Variants in TMEM63C observed in about 807,000 individuals in gnomAD.
TMEM63C encodes the protein transmembrane protein 63C, also known as osmosensitive cation channel TMEM63C.
In TMEM63C, 32 loss-of-function variants were observed where a neutral mutation model predicts 99.2. The ratio of observed to expected loss-of-function variants is 0.32; its 90% CI spans 0.24 to 0.43. The LOEUF is 0.43. Among genes scored for constraint, TMEM63C ranks in the 20% least tolerant of loss-of-function variants. The pLI, the probability that TMEM63C is intolerant of heterozygous loss-of-function variation, is 1.00. For synonymous variants in TMEM63C, 376 were observed against 397.9 expected (o/e 0.94, Z 0.66); for missense variants, 826 against 1,053.0 (o/e 0.78, Z 2.98).
chr14:77,215,250 C>G (rs1048863912), intron 2 of TMEM63C, among the ~76,000 whole-genome samples: 2 of 152,062 alleles, frequency 1.3e-5, no homozygotes, highest in African/African-American at 4.8e-5. Context: ...CATCCAACAT[C>G]CGCCCACCAC....
intron 18 of TMEM63C, 103 bp from the exon 19 acceptor site, chr14:77,248,244 C>G: frequency 9.8e-7 from 1 of 1,015,338 alleles, no homozygotes; most frequent in South Asian, 1.6e-5. Flanking sequence ...ATCTCCACTC[C>G]GATTCCCATT....
At chr14:77,249,831 T>A (rs1889327824) in intron 21 of TMEM63C, among the ~76,000 whole-genome samples, 1 of 152,216 alleles carries the variant, frequency 6.6e-6, no homozygotes, top group Non-Finnish European at 1.5e-5. Context: ...GTTTTTTGTT[T>A]TGTTTTTTAA....
rs374790147 is a variant in TMEM63C, at chr14:77,220,054, G to A, written c.279G>A (p.Ser93=). The A allele has an allele frequency of 1.4e-5, 22 of 1,560,986 alleles. No homozygotes were observed. Among genetic ancestry groups the A allele is most frequent in the South Asian group, 9.5e-5 (8 of 84,484 alleles). ...YGEQSEKTSP[S]ETSLEMERRD... ...AGCAGAGCGAGAAGACATCTCCCTCGGAGACTTCCTTGGAGATGGAACGCA... is the reference window on the plus strand; with the variant it reads ...AGCAGAGCGAGAAGACATCTCCCTCAGAGACTTCCTTGGAGATGGAACGCA... Residue 93 remains serine, a synonymous_variant, in exon 5 of 24, where the codon TCG becomes TCA. Coordinates refer to ENST00000298351, the MANE Select transcript of TMEM63C (RefSeq NM_020431.4).
intron 1 of TMEM63C, among the ~76,000 whole-genome samples, chr14:77,189,577 T>C (rs1888067039): frequency 6.6e-6 from 1 of 152,272 alleles, no homozygotes; most frequent in South Asian, 2.1e-4. Flanking sequence ...AACTTGTCAG[T>C]AACACTTCAT....
At chr14:77,197,240 G>C (rs559965619) in intron 1 of TMEM63C, among the ~76,000 whole-genome samples, 3 of 152,306 alleles carry the variant, frequency 2.0e-5, no homozygotes, top group East Asian at 1.9e-4. Flanking sequence ...GATTGTTGCT[G>C]TTACTGATAA....
chr14:77,232,165 T>C (rs1222508059), intron 7 of TMEM63C, among the ~76,000 whole-genome samples: 1 of 152,232 alleles, frequency 6.6e-6, no homozygotes, highest in Non-Finnish European at 1.5e-5. Context: ...GGAACAGCAT[T>C]GTGGATGAGA....
At chr14:77,223,788 A>C (rs1888768861) in intron 5 of TMEM63C, among the ~76,000 whole-genome samples, 1 of 151,980 alleles carries the variant, frequency 6.6e-6, no homozygotes, top group Non-Finnish European at 1.5e-5. Flanking sequence ...ACACCTGTGC[A>C]CCTGTAGTGG....
chr14:77,203,891 C>T lies in TMEM63C; in HGVS notation c.-76-9555C>T, dbSNP rs1888347408. Among the ~76,000 whole-genome samples, 2 of 152,254 alleles carry T rather than the reference C, an allele frequency of 1.3e-5. 1 individual carries two copies. The highest frequency in any genetic ancestry group is 1.3e-4 in the Admixed American group (2 of 15,290). On this transcript the variant is annotated intron_variant, in intron 1 of 23. Coordinates refer to ENST00000298351, the MANE Select transcript of TMEM63C (RefSeq NM_020431.4). The stretch of plus-strand genomic sequence containing the variant: ...CACCTCCCCATTGGCAGCCTCCAAC[C>T]CGGCTCTAGCTGGAGCTGACTCTGG...
intron 10 of TMEM63C, 32 bp from the exon 11 acceptor site, chr14:77,239,380 G>A (rs770009181): frequency 6.2e-7 from 1 of 1,611,648 alleles, no homozygotes; most frequent in Non-Finnish European, 8.5e-7. Flanking sequence ...CAACCCCACA[G>A]GCCGACTCAG....
intron 6 of TMEM63C, among the ~76,000 whole-genome samples, chr14:77,231,192 G>A (rs1423691812): frequency 6.6e-6 from 1 of 151,546 alleles, no homozygotes; most frequent in Non-Finnish European, 1.5e-5. Context: ...TGGGTTTCAG[G>A]TGTTCCTTTT....
In TMEM63C at chr14:77,225,314, C is replaced by T. The variant is rs1888796810; in HGVS notation, c.313-110C>T. 4 of 901,248 alleles carry T rather than the reference C, an allele frequency of 4.4e-6. No homozygotes were observed. In the East Asian group the frequency reaches 8.5e-5, roughly 19 times the overall value. 55.8% of individuals were successfully genotyped at this position (901,248 alleles called of 1,614,324 possible). A position where few individuals can be genotyped will look rare whatever the true frequency, so the allele number is the denominator to read the frequency against. On this transcript the variant is annotated intron_variant, in intron 5 of 23. Transcript: ENST00000298351. ...AGACTCTTTTTCCCAGGAAGGAGGCCCCGGACGCTGCCGCGGCTGCCTCAG... is the reference window on the plus strand; with the variant it reads ...AGACTCTTTTTCCCAGGAAGGAGGCTCCGGACGCTGCCGCGGCTGCCTCAG...
At position 77,234,559 on chromosome 14, in the gene TMEM63C, C is replaced by T. The variant is rs1223214284; in HGVS notation, c.542+1059C>T. 3.3e-5 allele frequency among the ~76,000 whole-genome samples: 5 copies of T among 152,214 alleles called. No individual in the cohort carries two copies. In the East Asian group the frequency reaches 9.6e-4, roughly 29 times the overall value. ...TCTGTAGAGACCATGTAGCCTTGCC[C>T]TTCTGTGGAAACTGAGGGTGGAGCA... is the stretch of plus-strand genomic sequence containing the variant. On this transcript the variant is annotated intron_variant, in intron 8 of 23. Coordinates refer to ENST00000298351, the MANE Select transcript of TMEM63C (RefSeq NM_020431.4).
chr14:77,230,632 C>T (rs1449557011), intron 6 of TMEM63C, among the ~76,000 whole-genome samples: 2 of 152,120 alleles, frequency 1.3e-5, no homozygotes, highest in Non-Finnish European at 2.9e-5. Context: ...GTGAACTGCA[C>T]ATATGAGGGA....
intron 1 of TMEM63C, among the ~76,000 whole-genome samples, chr14:77,191,500 A>AT (rs11301125): frequency 1.5e-5 from 2 of 133,932 alleles, no homozygotes; most frequent in South Asian, 2.3e-4. Flanking sequence ...CAAGTTCTCC[A>AT]TTTTTTTTTT....
rs1284199359 is a variant in TMEM63C at position 77,251,792 on chromosome 14, C to T, written c.2042C>T (p.Ser681Phe). The change falls in exon 22 of 24, where the codon TCT becomes TTT. Residue 681 changes from serine to phenylalanine, a missense_variant. Transcript: ENST00000298351. ...GACTTTTTCTCCTCCTCGGCAGGTT[C>T]TCTCCACGCCATCACCATCTTTTCC... ...MLFFSILRLG[S>F]LHAITIFSLS... The T allele has an allele frequency of 1.9e-6, 3 of 1,613,692 alleles. 1 individual carries two copies. The highest frequency in any genetic ancestry group is 2.2e-5 in the South Asian group (2 of 91,082).
At chr14:77,248,713 A>G (rs1189258089) in intron 19 of TMEM63C, 54 bp from the exon 20 acceptor site, 9 of 1,558,040 alleles carry the variant, frequency 5.8e-6, no homozygotes, top group Middle Eastern at 1.7e-4. Flanking sequence ...CCACAGAAGT[A>G]GTCAAGCCAA....
chr14:77,208,819 C>T (rs1299157300), intron 1 of TMEM63C, among the ~76,000 whole-genome samples: 1 of 152,226 alleles, frequency 6.6e-6, no homozygotes, highest in African/African-American at 2.4e-5. Context: ...ATTGCCTGGC[C>T]CTGCCCACGA....
chr14:77,240,288 G>A (rs1242970602), intron 12 of TMEM63C, among the ~76,000 whole-genome samples, 187 bp from the exon 13 acceptor site: 3 of 152,218 alleles, frequency 2.0e-5, no homozygotes, highest in Non-Finnish European at 4.4e-5. Flanking sequence ...AAGGGCAGGG[G>A]TGAATGGCAG....
Position 77,231,675 on chromosome 14 carries a change from C to T in TMEM63C, c.438C>T (p.Ile146=), listed in dbSNP as rs1433003140. 2 of 1,551,586 alleles carry T rather than the reference C, an allele frequency of 1.3e-6. No homozygotes were observed. The highest frequency in any genetic ancestry group is 2.7e-5 in the African/African-American group (2 of 73,026). Residue 146 remains isoleucine (I), a synonymous_variant, in exon 7 of 24, where the codon ATC becomes ATT. Coordinates refer to ENST00000298351, the MANE Select transcript of TMEM63C (RefSeq NM_020431.4). The stretch of plus-strand genomic sequence containing the variant: ...ACCTCATCATCTTTGTGCTCATCAT[C>T]TGTATCCCCTCCCTGGGCATCATTT... The part of the protein sequence containing the change: ...QYHLIIFVLI[I]CIPSLGIILP...
Sources: gnomAD v4.1 joint callset for allele counts (sites outside exome capture counted in the v4.1 genomes callset) on GRCh38, gnomAD v4.1.1 for gene constraint, MANE v1.5 for transcripts, NCBI Gene and HGNC (gene_info 2026-07-23, HGNC 2026-07-21) for gene names.